BMP8A: variants seen among roughly 807,000 people sequenced by gnomAD.
BMP8A encodes bone morphogenetic protein 8a.
A neutral mutation model predicts 36.8 loss-of-function variants in BMP8A; 14 were observed. The observed-to-expected ratio is 0.38, with a 90% confidence interval of 0.25 to 0.60. The LOEUF (loss-of-function observed/expected upper bound fraction) is 0.60, where lower values mean the gene tolerates loss of function less well. BMP8A is among the 20% of genes least tolerant of loss of function. BMP8A has a pLI of 0.63. For synonymous variants in BMP8A, 120 were observed against 237.7 expected, an observed-to-expected ratio of 0.50 and a Z score of 4.55; for missense variants, 267 against 551.1, an observed-to-expected ratio of 0.48 and a Z score of 5.16.
chr1:39,509,207 G>A (rs760236320), intron 1 of BMP8A, among the ~76,000 whole-genome samples: 8 of 152,194 alleles, frequency 5.3e-5, no homozygotes, highest in Admixed American at 1.3e-4. Context: ...AGGAGAAGCC[G>A]GGACTGAGCT....
intron 1 of BMP8A, among the ~76,000 whole-genome samples, chr1:39,494,352 C>CTTTTTTTT (rs573186363): frequency 8.4e-6 from 1 of 118,352 alleles, no homozygotes. Flanking sequence ...TTTCTTTTTT[C>CTTTTTTTT]TTTTTTTTTT....
chr1:39,499,089 G>A (rs564043643), intron 1 of BMP8A, among the ~76,000 whole-genome samples: 48 of 152,320 alleles, frequency 3.2e-4, no homozygotes, highest in South Asian at 6.2e-4. Context: ...GCTCCATCCC[G>A]GCCCTCCAAG....
At chr1:39,517,956 C>G (rs535454573) in intron 3 of BMP8A, among the ~76,000 whole-genome samples, 1 of 152,072 alleles carries the variant, frequency 6.6e-6, no homozygotes, top group Non-Finnish European at 1.5e-5. Flanking sequence ...ATTGTTCCTG[C>G]ATCATTCACA....
At chr1:39,503,389 T>C (rs1436519167) in intron 1 of BMP8A, among the ~76,000 whole-genome samples, 1 of 151,732 alleles carries the variant, frequency 6.6e-6, no homozygotes, top group Admixed American at 6.6e-5. Flanking sequence ...TATTGGCTCA[T>C]GTCTATGATC....
At chr1:39,515,726 A>C (rs1570306567) in intron 3 of BMP8A, 1 of 1,576,502 alleles carries the variant, frequency 6.3e-7, no homozygotes. Flanking sequence ...CGTTCCTAAC[A>C]TTTATGTAGG....
In BMP8A at chr1:39,527,353, T is replaced by C. The variant is rs1196103997; in HGVS notation, c.*1555T>C. 6.6e-6 allele frequency among the ~76,000 whole-genome samples: 1 copy of C among 152,172 alleles called. No homozygotes were observed. Among genetic ancestry groups the C allele is most frequent in the African/African-American group, 2.4e-5 (1 of 41,428 alleles). ...ATTTCTGACTTGCTAAGCCTGTAAT[T>C]TACCTGCTGGAACAGACAGAGTCCA... On this transcript the variant is annotated 3_prime_UTR_variant, in exon 7 of 7. Coordinates refer to ENST00000331593, the MANE Select transcript of BMP8A (RefSeq NM_181809.4).
intron 1 of BMP8A, among the ~76,000 whole-genome samples, chr1:39,510,228 C>T (rs1225946474): frequency 8.9e-6 from 1 of 112,552 alleles, no homozygotes; most frequent in Admixed American, 1.0e-4. Flanking sequence ...CATCACTGAC[C>T]TGTGGGCGCC....
intron 4 of BMP8A, 152 bp from the exon 5 acceptor site, chr1:39,522,251 G>A (rs556191502): frequency 2.4e-5 from 19 of 781,538 alleles, no homozygotes; most frequent in African/African-American, 4.9e-5. Flanking sequence ...TACAAGCAGC[G>A]TTCCAGGGAT....
Position 39,492,128 on chromosome 1 carries a change from G to T in BMP8A, c.137G>T (p.Arg46Leu), listed in dbSNP as rs1645164241. 2.6e-5 allele frequency: 32 copies of T among 1,233,756 alleles called. No individual in the cohort carries two copies. The highest frequency in any genetic ancestry group is 3.2e-5 in the Non-Finnish European group (32 of 990,810). 76.4% of individuals were successfully genotyped at this position (1,233,756 alleles called of 1,614,324 possible). ...GCGCGCGAGCGCCGGGACGTGCAGC[G>T]CGAGATCCTGGCGGTGCTCGGGCTA... ...LGARERRDVQREILAVLGLPG... is the reference protein window; with the variant it reads ...LGARERRDVQLEILAVLGLPG... The change falls in exon 1 of 7, where the codon CGC becomes CTC. Residue 46 changes from arginine (R) to leucine (L), a missense_variant. Around this residue, in one of 7 missense-constraint regions of BMP8A, gnomAD observed 56 missense variants for 74.1 expected, o/e 0.76. Coordinates refer to ENST00000331593, the MANE Select transcript of BMP8A (RefSeq NM_181809.4).
At chr1:39,525,534 C>T in intron 6 of BMP8A, 115 bp from the exon 7 acceptor site, 1 of 1,348,144 alleles carries the variant, frequency 7.4e-7, no homozygotes, top group East Asian at 2.5e-5. Flanking sequence ...GTGCTGCTCC[C>T]ATGTGGCTTG....
intron 3 of BMP8A, among the ~76,000 whole-genome samples, chr1:39,516,984 CTCTT>C (rs1460522846): frequency 1.3e-5 from 2 of 151,544 alleles, no homozygotes; most frequent in African/African-American, 2.4e-5. Flanking sequence ...CTTTTTCCTT[CTCTT>C]TCTTTTTTCT....
rs71060315 is a variant in BMP8A at position 39,524,009 on chromosome 1, C to CACACAT, written c.1059+892_1059+893insACACAT. On this transcript the variant is annotated intron_variant, in intron 6 of 6. Coordinates refer to ENST00000331593, the MANE Select transcript of BMP8A (RefSeq NM_181809.4). This position sits in a 1 kb window ranked among gnomAD's most constrained non-coding sequence, Gnocchi z 4.0. ...ACACACACACACACACACACACACACGTGCGCACACAATGCCTTGGTGTGA... is the reference window on the plus strand; with the variant it reads ...ACACACACACACACACACACACACACACACATGTGCGCACACAATGCCTTGGTGTGA... 9.0e-4 allele frequency: 140 copies of CACACAT among 155,674 alleles called. 3 individuals are homozygous for CACACAT. In the Middle Eastern group the frequency reaches 0.013, roughly 14 times the overall value. 9.6% of individuals were successfully genotyped at this position (155,674 alleles called of 1,614,324 possible). A position where few individuals can be genotyped will look rare whatever the true frequency, so the allele number is the denominator to read the frequency against.
In BMP8A at chr1:39,527,588, G is replaced by A. The variant is rs145379430; in HGVS notation, c.*1790G>A. Among the ~76,000 whole-genome samples the A allele has an allele frequency of 6.6e-6, 1 of 152,300 alleles. No homozygotes were observed. The highest frequency in any genetic ancestry group is 1.9e-4 in the East Asian group (1 of 5,178). ...CTGCGGGACAGCAGCCCCTCCACCT[G>A]GACCAGGGAGGGCCTCCATGTGCAA... is the stretch of plus-strand genomic sequence containing the variant. On this transcript the variant is annotated 3_prime_UTR_variant, in exon 7 of 7. Transcript: ENST00000331593.
intron 1 of BMP8A, among the ~76,000 whole-genome samples, chr1:39,509,029 C>T (rs541822741): frequency 2.6e-5 from 4 of 152,258 alleles, no homozygotes; most frequent in Non-Finnish European, 4.4e-5. Context: ...ACAGCACGGG[C>T]GTCCCCACAG....
At chr1:39,497,439 G>A (rs552743149) in intron 1 of BMP8A, among the ~76,000 whole-genome samples, 1 of 152,272 alleles carries the variant, frequency 6.6e-6, no homozygotes, top group East Asian at 1.9e-4. Context: ...CCCCACTTCT[G>A]CACCATTGCT....
chr1:39,501,794 T>A (rs763578800), intron 1 of BMP8A, among the ~76,000 whole-genome samples: 9 of 152,220 alleles, frequency 5.9e-5, no homozygotes, highest in Non-Finnish European at 1.0e-4. Context: ...AGTTTCTGAG[T>A]CACAGCATGT....
At chr1:39,523,255 T>C (rs949829739) in intron 6 of BMP8A, 138 bp downstream of exon 6, 2 of 1,055,234 alleles carry the variant, frequency 1.9e-6, no homozygotes, top group Non-Finnish European at 2.8e-6. Flanking sequence ...GTCAGTAACG[T>C]CGCTAACTTC....
At chr1:39,522,278 A>G (rs1246825469) in intron 4 of BMP8A, 125 bp from the exon 5 acceptor site, 41 of 1,049,748 alleles carry the variant, frequency 3.9e-5, no homozygotes, top group Non-Finnish European at 4.8e-5. Context: ...TATGAGACCA[A>G]ATGGTTTCCT....
chr1:39,525,834 C>T lies in BMP8A; in HGVS notation c.*36C>T. ...CCAGCCCTACTGCAGCCACCCTTCT[C>T]ATCTGGATCGGGCCCTGCAGAGGCA... On this transcript the variant is annotated 3_prime_UTR_variant, in exon 7 of 7. Coordinates refer to ENST00000331593, the MANE Select transcript of BMP8A (RefSeq NM_181809.4). 1 of 1,612,196 alleles carries T rather than the reference C, an allele frequency of 6.2e-7. No individual in the cohort carries two copies. Among genetic ancestry groups the T allele is most frequent in the Non-Finnish European group, 8.5e-7 (1 of 1,179,860 alleles).
Sources: allele counts gnomAD v4.1 joint callset (sites outside exome capture counted in the v4.1 genomes callset), GRCh38; gene constraint gnomAD v4.1.1; regional missense constraint gnomAD v4.1.1; non-coding constraint Gnocchi (gnomAD v3.1); transcripts MANE v1.5; gene names NCBI Gene and HGNC (gene_info 2026-07-23, HGNC 2026-07-21).